The following FGF13 variants were observed in gnomAD, a reference collection of about 807,000 sequenced individuals.
The protein encoded by FGF13 is fibroblast growth factor 13.
Under a neutral mutation model 19.5 loss-of-function variants are expected in FGF13, and 2 were observed. The observed-to-expected ratio is 0.10, with a 90% CI of 0.04 to 0.32. The LOEUF is 0.32. FGF13 is among the 10% of genes least tolerant of loss of function. FGF13 has a pLI of 1.00. For synonymous variants in FGF13, 72 were observed against 76.9 expected (o/e 0.94, Z 0.33); for missense variants, 113 against 192.7 (o/e 0.59, Z 2.45).
intron 1 of FGF13, among the ~76,000 whole-genome samples, chrX:139,052,850 CTTTTG>C (rs1353292456): frequency 5.4e-5 from 6 of 110,717 alleles, no homozygotes; most frequent in South Asian, 3.8e-4. Flanking sequence ...TGATTTTTAT[CTTTTG>C]TTTTAATTTT....
intron 1 of FGF13, among the ~76,000 whole-genome samples, chrX:139,093,312 C>A (rs2083450236): frequency 8.9e-6 from 1 of 111,947 alleles, no homozygotes; most frequent in Non-Finnish European, 1.9e-5. Flanking sequence ...AAATTTGTCC[C>A]ATCCTGATTC....
intron 3 of FGF13, among the ~76,000 whole-genome samples, chrX:138,835,799 C>A (rs1291939776): frequency 8.9e-6 from 1 of 111,800 alleles, no homozygotes; most frequent in Non-Finnish European, 1.9e-5. Context: ...ACAGTCTTTC[C>A]TTTCCACATT....
At chrX:138,678,929 A>G (rs188403294) in intron 3 of FGF13, among the ~76,000 whole-genome samples, 1 of 112,540 alleles carries the variant, frequency 8.9e-6, no homozygotes, top group East Asian at 2.8e-4. Flanking sequence ...CAAGAAATGT[A>G]TCCAAAACTT....
At chrX:139,125,700 C>G (rs1305570785) in intron 1 of FGF13, among the ~76,000 whole-genome samples, 1 of 111,607 alleles carries the variant, frequency 9.0e-6, no homozygotes, top group Non-Finnish European at 1.9e-5. Context: ...AGTGCCTGGC[C>G]CTGTGTTAGG....
At chrX:139,135,645 T>C (rs918179070) in intron 1 of FGF13, among the ~76,000 whole-genome samples, 4 of 111,950 alleles carry the variant, frequency 3.6e-5, no homozygotes, top group African/African-American at 1.3e-4. Flanking sequence ...AGTTACAGAT[T>C]GCAAATATCT....
chrX:139,098,930 A>C (rs1569452991), intron 1 of FGF13, among the ~76,000 whole-genome samples: 1 of 111,622 alleles, frequency 9.0e-6, no homozygotes, highest in Non-Finnish European at 1.9e-5. Flanking sequence ...AAAATAAGGC[A>C]AGACAGAGCC....
rs1369265675 is a variant in FGF13 at position 138,621,788 on chromosome X, T to G, written c.*11062A>C. On this transcript the variant is annotated 3_prime_UTR_variant, in exon 5 of 5. Transcript: ENST00000315930. ...CATTACAACTGATACCATAGAAATA[T>G]AAATGATCATTAGAGACTATTATGA... 1 of 110,959 alleles carries G rather than the reference T, an allele frequency of 9.0e-6. No individual in the cohort carries two copies. The highest frequency in any genetic ancestry group is 3.3e-5 in the African/African-American group (1 of 30,595). The allele number at this position is 110,959 out of a possible 1,213,427, so 9.1% of individuals were successfully genotyped here. A position where few individuals can be genotyped will look rare whatever the true frequency, so the allele number is the denominator to read the frequency against.
intron 1 of FGF13, among the ~76,000 whole-genome samples, chrX:139,070,291 C>T (rs200693626): frequency 1.1e-4 from 12 of 111,873 alleles, no homozygotes; most frequent in African/African-American, 2.6e-4. Flanking sequence ...AAGAAAAAAA[C>T]GAATAACCCC....
At chrX:138,988,483 A>G (rs2092002347) in intron 1 of FGF13, among the ~76,000 whole-genome samples, 1 of 112,476 alleles carries the variant, frequency 8.9e-6, no homozygotes, top group Non-Finnish European at 1.9e-5. Flanking sequence ...AATGTAGGAA[A>G]GCCCACAGAT....
chrX:138,670,011 C>G lies in FGF13; in HGVS notation c.402+32973G>C, dbSNP rs17510193. On this transcript the variant is annotated intron_variant, in intron 3 of 4. Transcript: ENST00000315930. Reference sequence around the variant, plus strand: ...TTTCAGACCTGAATATGCATGGATGCAGAAATTATAGCTTATTCCAAAGTT... The same window carrying G: ...TTTCAGACCTGAATATGCATGGATGGAGAAATTATAGCTTATTCCAAAGTT... Among the ~76,000 whole-genome samples, 348 of 111,800 alleles carry G rather than the reference C, an allele frequency of 3.1e-3. 2 individuals are homozygous for G. The highest frequency in any genetic ancestry group is 0.028 in the Admixed American group (293 of 10,544).
intron 3 of FGF13, among the ~76,000 whole-genome samples, chrX:138,671,675 C>T (rs1055590483): frequency 9.0e-6 from 1 of 110,745 alleles, no homozygotes; most frequent in African/African-American, 3.3e-5. Flanking sequence ...AAACAGTGAG[C>T]AAAACAAAAA....
intron 1 of FGF13, among the ~76,000 whole-genome samples, chrX:139,014,644 A>T (rs1340444476): frequency 2.7e-5 from 3 of 111,403 alleles, no homozygotes; most frequent in African/African-American, 9.8e-5. Context: ...CAAAGATTTC[A>T]AAAACTAACA....
rs1425351117 is a variant in FGF13 at position 138,620,593 on chromosome X, T to G, written c.*12257A>C. Reference sequence around the variant, plus strand: ...GAAACAAAAAAACTTACAAAACAGCTGAAAAACATTTAACAAAGTAGCAAT... The same window carrying G: ...GAAACAAAAAAACTTACAAAACAGCGGAAAAACATTTAACAAAGTAGCAAT... On this transcript the variant is annotated 3_prime_UTR_variant, in exon 5 of 5. Coordinates refer to ENST00000315930, the MANE Select transcript of FGF13 (RefSeq NM_004114.5). 1.1e-4 allele frequency: 12 copies of G among 110,960 alleles called. No homozygotes were observed. Among genetic ancestry groups the G allele is most frequent in the Non-Finnish European group, 9.5e-5 (5 of 52,816 alleles). 9.1% of individuals were successfully genotyped at this position (110,960 alleles called of 1,213,427 possible).
At chrX:138,749,991 G>C (rs982478908) in intron 3 of FGF13, among the ~76,000 whole-genome samples, 1 of 111,733 alleles carries the variant, frequency 8.9e-6, no homozygotes, top group African/African-American at 3.3e-5. Context: ...AGAGAACTAC[G>C]GAGAGCATGT....
intron 1 of FGF13, among the ~76,000 whole-genome samples, chrX:138,972,710 G>A (rs930715735): frequency 9.0e-6 from 1 of 111,105 alleles, no homozygotes; most frequent in Non-Finnish European, 1.9e-5. Context: ...TTTAATGGGC[G>A]TGAGATGATA....
intron 3 of FGF13, among the ~76,000 whole-genome samples, chrX:138,771,973 T>G (rs772795254): frequency 2.2e-3 from 193 of 86,807 alleles, no homozygotes; most frequent in African/African-American, 7.1e-3. Context: ...ATAAAAATAT[T>G]TATATACAAG....
rs142490327 is a variant in FGF13 at position 138,749,612 on chromosome X, C to T, written c.218-40684G>A. Among the ~76,000 whole-genome samples the T allele has an allele frequency of 9.0e-3, 998 of 110,961 alleles. 13 individuals are homozygous for T. The highest frequency in any genetic ancestry group is 0.046 in the South Asian group (119 of 2,588). On this transcript the variant is annotated intron_variant, in intron 3 of 6. Coordinates refer to the FGF13 transcript ENST00000436198. ...CTGAGAAAATTGCAGGCAGAGTTCA[C>T]AAGTACAAAGACATACAGGCTTGGG...
chrX:138,657,157 T>A (rs758650162), intron 3 of FGF13, among the ~76,000 whole-genome samples: 46 of 110,534 alleles, frequency 4.2e-4, no homozygotes, highest in East Asian at 4.0e-3. Context: ...AAATCAATTT[T>A]AGAAAAAAAA....
chrX:139,068,963 A>T (rs1327618052), intron 1 of FGF13, among the ~76,000 whole-genome samples: 1 of 109,209 alleles, frequency 9.2e-6, no homozygotes, highest in African/African-American at 3.3e-5. Flanking sequence ...TCAGGAAACA[A>T]CAGGTGCTGG....
Sources: gnomAD v4.1 joint callset for allele counts (sites outside exome capture counted in the v4.1 genomes callset) on GRCh38, gnomAD v4.1.1 for gene constraint, MANE v1.5 for transcripts, NCBI Gene and HGNC (gene_info 2026-07-23, HGNC 2026-07-21) for gene names.